Variants in LHFPL4 observed in about 807,000 individuals in gnomAD.
LHFPL4 encodes LHFPL tetraspan subfamily member 4 protein.
In LHFPL4, 6 loss-of-function variants were observed where a neutral mutation model predicts 20.0. That is an observed-to-expected ratio of 0.30 (90% confidence interval 0.16 to 0.59). The LOEUF (loss-of-function observed/expected upper bound fraction) is 0.59, where lower values mean the gene tolerates loss of function less well. Ranked by LOEUF, LHFPL4 falls within the 20% of genes least tolerant of loss-of-function variation. The pLI is 0.88. For synonymous variants in LHFPL4, 129 were observed against 143.8 expected, an observed-to-expected ratio of 0.90 and a Z score of 0.74; for missense variants, 215 against 331.2, an observed-to-expected ratio of 0.65 and a Z score of 2.72.
At chr3:9,510,160 A>C (rs2046247879) in intron 2 of LHFPL4, among the ~76,000 whole-genome samples, 1 of 152,186 alleles carries the variant, frequency 6.6e-6, no homozygotes, top group African/African-American at 2.4e-5. Context: ...TACTGATTAA[A>C]AAATGTCAGT....
At chr3:9,526,224 G>C (rs2046374422) in intron 2 of LHFPL4, among the ~76,000 whole-genome samples, 1 of 152,120 alleles carries the variant, frequency 6.6e-6, no homozygotes, top group Non-Finnish European at 1.5e-5. Context: ...CAGGGCTCGG[G>C]GGAGGGAGGA....
chr3:9,509,145 T>C (rs1214919777), intron 2 of LHFPL4, among the ~76,000 whole-genome samples: 1 of 152,158 alleles, frequency 6.6e-6, no homozygotes, highest in Non-Finnish European at 1.5e-5. Flanking sequence ...TTTCTTCCTT[T>C]TGCTTTCCGC....
chr3:9,539,454 CAAA>C (rs57211005), intron 2 of LHFPL4, among the ~76,000 whole-genome samples: 6 of 109,424 alleles, frequency 5.5e-5, no homozygotes, highest in Admixed American at 3.1e-4. Flanking sequence ...AACTTCGTCT[CAAA>C]AAAAAAAAAA....
intron 2 of LHFPL4, among the ~76,000 whole-genome samples, chr3:9,547,855 G>C (rs943369922): frequency 6.6e-5 from 10 of 151,960 alleles, no homozygotes; most frequent in African/African-American, 2.4e-4. Flanking sequence ...ATCCAGGCTG[G>C]AGTGCAGTGG....
chr3:9,517,759 C>T (rs996803733), intron 2 of LHFPL4, among the ~76,000 whole-genome samples: 2 of 144,614 alleles, frequency 1.4e-5, no homozygotes, highest in Admixed American at 7.0e-5. Context: ...TCTATATTGA[C>T]GTTATATTCT....
At chr3:9,508,646 A>AGGAGGAGGAAGAGGGGCCTGC (rs1323243023) in intron 2 of LHFPL4, among the ~76,000 whole-genome samples, 14 of 152,216 alleles carry the variant, frequency 9.2e-5, no homozygotes, top group Non-Finnish European at 5.9e-5. Context: ...TTAACAGGGC[A>AGGAGGAGGAAGAGGGGCCTGC]GGAGGAGGAA....
rs932540274 is a variant in LHFPL4, at chr3:9,512,530, A to G, written c.407-6327T>C. On this transcript the variant is annotated intron_variant, in intron 2 of 3. Coordinates refer to ENST00000287585, the MANE Select transcript of LHFPL4 (RefSeq NM_198560.3). Reference sequence around the variant, plus strand: ...TTTGCAATTTAACCATGACAGAGACAAATATCTTGCCACAATATCTATTCA... The same window carrying G: ...TTTGCAATTTAACCATGACAGAGACGAATATCTTGCCACAATATCTATTCA... Among the ~76,000 whole-genome samples, 3 of 152,220 alleles carry G rather than the reference A, an allele frequency of 2.0e-5. No homozygotes were observed. In the East Asian group the frequency reaches 5.8e-4, roughly 29 times the overall value.
Position 9,550,686 on chromosome 3 carries a change from T to C in LHFPL4, c.406+1588A>G, listed in dbSNP as rs57213897. 3.3e-5 allele frequency: 5 copies of C among 152,256 alleles called. No homozygotes were observed. In the East Asian group the frequency reaches 7.7e-4, roughly 23 times the overall value. The allele number at this position is 152,256 out of a possible 1,614,324, so 9.4% of individuals were successfully genotyped here. The stretch of plus-strand genomic sequence containing the variant: ...GCAGGAGAAATAGAATAGAAATACA[T>C]AATATCACCTCCCTGGGTACCACAG... On this transcript the variant is annotated intron_variant, in intron 2 of 3. Coordinates refer to ENST00000287585, the MANE Select transcript of LHFPL4 (RefSeq NM_198560.3).
At chr3:9,502,348 T>G in intron 3 of LHFPL4, 37 bp from the exon 4 acceptor site, 431 of 1,298,346 alleles carry the variant, frequency 3.3e-4, no homozygotes, top group Non-Finnish European at 4.3e-4. Flanking sequence ...GAGAGAGAAT[T>G]AGAGAAAGTC....
chr3:9,522,367 G>A (rs2046343601), intron 2 of LHFPL4, among the ~76,000 whole-genome samples: 1 of 152,168 alleles, frequency 6.6e-6, no homozygotes, highest in Non-Finnish European at 1.5e-5. Flanking sequence ...AAATAAGCGT[G>A]CGTGTGTGTA....
Position 9,506,210 on chromosome 3 carries a change from G to C in LHFPL4, c.407-7C>G. ...CCCAGGACGAGGCACAGAGCTGAGG[G>C]GCAGAGCACCGGGCCCACCACCACG... On this transcript the variant is annotated splice_polypyrimidine_tract_variant and splice_region_variant and intron_variant, in intron 2 of 3. Coordinates refer to ENST00000287585, the MANE Select transcript of LHFPL4 (RefSeq NM_198560.3). The surrounding 1 kb of genome is among the most constrained non-coding windows in gnomAD (Gnocchi z 4.5). 1 of 1,609,222 alleles carries C rather than the reference G, an allele frequency of 6.2e-7. No individual in the cohort carries two copies. The highest frequency in any genetic ancestry group is 8.5e-7 in the Non-Finnish European group (1 of 1,175,646).
intron 2 of LHFPL4, among the ~76,000 whole-genome samples, chr3:9,520,096 C>T (rs1302997221): frequency 2.0e-5 from 3 of 152,170 alleles, no homozygotes; most frequent in African/African-American, 7.2e-5. Flanking sequence ...CTATAAATTT[C>T]CCTCTGAACA....
intron 2 of LHFPL4, among the ~76,000 whole-genome samples, chr3:9,547,516 G>C (rs2046523185): frequency 6.6e-6 from 1 of 152,230 alleles, no homozygotes; most frequent in Non-Finnish European, 1.5e-5. Flanking sequence ...TATTAGACTT[G>C]CGTTGAGTTT....
intron 2 of LHFPL4, among the ~76,000 whole-genome samples, chr3:9,543,370 G>A (rs1489010302): frequency 4.6e-5 from 7 of 152,140 alleles, no homozygotes; most frequent in African/African-American, 1.4e-4. Flanking sequence ...GCGTGGTGGC[G>A]GGCGCCTGTA....
intron 2 of LHFPL4, chr3:9,550,680 A>T (rs937267158): frequency 4.6e-5 from 7 of 152,172 alleles, no homozygotes; most frequent in African/African-American, 1.7e-4. Flanking sequence ...ATAGAATAGA[A>T]ATACATAATA....
intron 2 of LHFPL4, among the ~76,000 whole-genome samples, chr3:9,538,259 C>A (rs925026102): frequency 1.3e-5 from 2 of 152,144 alleles, no homozygotes; most frequent in Non-Finnish European, 2.9e-5. Context: ...TCTTTCTAAA[C>A]CCACATCTGA....
At chr3:9,550,729 T>G (rs2046547863) in intron 2 of LHFPL4, 1 of 152,076 alleles carries the variant, frequency 6.6e-6, no homozygotes, top group Admixed American at 6.6e-5. Context: ...TGGAGCCATA[T>G]CCCCCATATC....
intron 2 of LHFPL4, among the ~76,000 whole-genome samples, chr3:9,538,379 G>A (rs1312099896): frequency 6.6e-6 from 1 of 152,138 alleles, no homozygotes; most frequent in Non-Finnish European, 1.5e-5. Context: ...TACTTCTCCA[G>A]GCTCCTCTCC....
Position 9,501,994 on chromosome 3 carries a change from G to C in LHFPL4, c.*217C>G. 1 of 587,600 alleles carries C rather than the reference G, an allele frequency of 1.7e-6. No individual in the cohort carries two copies. The highest frequency in any genetic ancestry group is 2.1e-5 in the South Asian group (1 of 48,492). The allele number at this position is 587,600 out of a possible 1,614,324, so 36.4% of individuals were successfully genotyped here. ...GCTCCCTTAGGTCAAATTGAGGGAGGAGCAAGAATTAGACCCTCCCAAGGT... is the reference window on the plus strand; with the variant it reads ...GCTCCCTTAGGTCAAATTGAGGGAGCAGCAAGAATTAGACCCTCCCAAGGT... On this transcript the variant is annotated 3_prime_UTR_variant, in exon 4 of 4. Transcript: ENST00000287585.
Sources: allele counts gnomAD v4.1 joint callset (sites outside exome capture counted in the v4.1 genomes callset), GRCh38; gene constraint gnomAD v4.1.1; non-coding constraint Gnocchi (gnomAD v3.1); transcripts MANE v1.5; gene names NCBI Gene and HGNC (gene_info 2026-07-23, HGNC 2026-07-21).